The following CIB4 variants were observed in gnomAD, a reference collection of about 807,000 sequenced individuals.
CIB4 encodes the protein calcium and integrin-binding family member 4.
A neutral mutation model predicts 25.8 loss-of-function variants in CIB4; 25 were observed. The ratio of observed to expected loss-of-function variants is 0.97; its 90% confidence interval spans 0.71 to 1.35. The LOEUF (loss-of-function observed/expected upper bound fraction) is 1.35, where lower values mean the gene tolerates loss of function less well. Among genes scored for constraint, CIB4 ranks in the 40% most tolerant of loss-of-function variants. The pLI, the probability that CIB4 is intolerant of heterozygous loss-of-function variation, is 0.00. For missense variants in CIB4, 235 were observed against 228.2 expected (o/e 1.03, Z -0.19); for synonymous variants, 75 against 81.4 (o/e 0.92, Z 0.42).
At chr2:26,589,611 T>G (rs1349649353) in intron 4 of CIB4, among the ~76,000 whole-genome samples, 1 of 152,196 alleles carries the variant, frequency 6.6e-6, no homozygotes, top group Non-Finnish European at 1.5e-5. Flanking sequence ...TGTGAGCCAC[T>G]GCACCCAGCC....
At chr2:26,602,557 T>A (rs1668812676) in intron 3 of CIB4, among the ~76,000 whole-genome samples, 1 of 152,198 alleles carries the variant, frequency 6.6e-6, no homozygotes, top group African/African-American at 2.4e-5. Flanking sequence ...AATGGGTATT[T>A]TACTACATGT....
intron 3 of CIB4, 36 bp downstream of exon 3, chr2:26,629,374 A>T: frequency 1.6e-6 from 2 of 1,287,636 alleles, no homozygotes; most frequent in Non-Finnish European, 2.2e-6. Context: ...GGTCCCACTG[A>T]TGCTGCCCTT....
chr2:26,614,211 A>T (rs1269047801), intron 3 of CIB4, among the ~76,000 whole-genome samples: 1 of 152,196 alleles, frequency 6.6e-6, no homozygotes, highest in Non-Finnish European at 1.5e-5. Flanking sequence ...CAGAAAAGAC[A>T]TGAGTGGAAT....
chr2:26,630,275 T>C (rs1351886903), intron 2 of CIB4, among the ~76,000 whole-genome samples: 1 of 152,110 alleles, frequency 6.6e-6, no homozygotes, highest in Non-Finnish European at 1.5e-5. Flanking sequence ...ATCCTGAACC[T>C]GGGTCCCTGT....
At chr2:26,626,500 A>G (rs987426540) in intron 3 of CIB4, among the ~76,000 whole-genome samples, 3 of 151,956 alleles carry the variant, frequency 2.0e-5, no homozygotes, top group Non-Finnish European at 4.4e-5. Context: ...TGTGGCAGTC[A>G]TCCCTTGAGG....
At chr2:26,640,016 G>A (rs72858002) in intron 2 of CIB4, among the ~76,000 whole-genome samples, 2,987 of 150,950 alleles carry the variant, frequency 0.02, 107 homozygotes, top group African/African-American at 0.069. Context: ...ACAGCGGTCC[G>A]CATGACAACA....
intron 2 of CIB4, among the ~76,000 whole-genome samples, chr2:26,639,324 C>A (rs1414210377): frequency 6.6e-6 from 1 of 151,762 alleles, no homozygotes; most frequent in Non-Finnish European, 1.5e-5. Context: ...TTAGATATTT[C>A]TCTTCATGCT....
chr2:26,618,433 A>G (rs1621679), intron 3 of CIB4, among the ~76,000 whole-genome samples: 69,672 of 151,994 alleles, frequency 0.46, 17,143 homozygotes, highest in Non-Finnish European at 0.55. Flanking sequence ...CTACAGGTGC[A>G]CACCACCATG....
chr2:26,629,548 G>T, intron 2 of CIB4, 42 bp from the exon 3 acceptor site: 1 of 1,358,342 alleles, frequency 7.4e-7, no homozygotes, highest in Non-Finnish European at 1.0e-6. Flanking sequence ...GGGGAAAGGA[G>T]GCCAGCACTG....
chr2:26,639,140 G>A (rs910276893), intron 2 of CIB4, among the ~76,000 whole-genome samples: 3 of 152,036 alleles, frequency 2.0e-5, no homozygotes, highest in Non-Finnish European at 2.9e-5. Context: ...GGACTGGGAG[G>A]AGAGAATGGA....
chr2:26,629,741 T>C (rs1456416856), intron 2 of CIB4, among the ~76,000 whole-genome samples: 2 of 152,290 alleles, frequency 1.3e-5, no homozygotes, highest in Middle Eastern at 3.4e-3. Context: ...AGGCACACCA[T>C]AGAGGATGCA....
chr2:26,618,681 G>A (rs1203351436), intron 3 of CIB4, among the ~76,000 whole-genome samples: 10 of 152,320 alleles, frequency 6.6e-5, no homozygotes, highest in Admixed American at 6.5e-4. Context: ...AGTCGGACCG[G>A]GTGCTGGGGA....
chr2:26,639,293 C>A (rs1669591900), intron 2 of CIB4, among the ~76,000 whole-genome samples: 1 of 151,790 alleles, frequency 6.6e-6, no homozygotes, highest in African/African-American at 2.4e-5. Context: ...GTTTGCTGCA[C>A]CCATCAACCT....
At chr2:26,604,561 T>C (rs1339107671) in intron 3 of CIB4, among the ~76,000 whole-genome samples, 2 of 152,178 alleles carry the variant, frequency 1.3e-5, no homozygotes, top group Non-Finnish European at 2.9e-5. Context: ...TCTACTCTTC[T>C]ATACCCAGCA....
chr2:26,631,288 A>G (rs532254792), intron 2 of CIB4, among the ~76,000 whole-genome samples: 53 of 152,114 alleles, frequency 3.5e-4, no homozygotes, highest in Non-Finnish European at 7.1e-4. Flanking sequence ...CACCCTAGGC[A>G]ATACAGGGAG....
intron 3 of CIB4, among the ~76,000 whole-genome samples, chr2:26,609,673 A>C (rs1291828926): frequency 6.6e-6 from 1 of 152,084 alleles, no homozygotes; most frequent in Admixed American, 6.5e-5. Flanking sequence ...CAGCCATTTC[A>C]ACTCCATTTT....
chr2:26,626,784 C>T (rs973509319), intron 3 of CIB4, among the ~76,000 whole-genome samples: 23 of 152,232 alleles, frequency 1.5e-4, no homozygotes, highest in Non-Finnish European at 2.6e-4. Flanking sequence ...AAGAGCAGGC[C>T]TCACCCCACC....
chr2:26,589,804 G>A (rs1245883006), intron 4 of CIB4, among the ~76,000 whole-genome samples: 2 of 152,152 alleles, frequency 1.3e-5, no homozygotes, highest in Non-Finnish European at 2.9e-5. Context: ...AAAAATGCCG[G>A]GTGGGGCTTC....
chr2:26,619,201 A>G (rs1340645348), intron 3 of CIB4, among the ~76,000 whole-genome samples: 2 of 152,184 alleles, frequency 1.3e-5, no homozygotes, highest in Non-Finnish European at 2.9e-5. Flanking sequence ...GGATGAAATC[A>G]AAGGAAAGAG....
Sources: allele counts gnomAD v4.1 joint callset (sites outside exome capture counted in the v4.1 genomes callset), GRCh38; gene constraint gnomAD v4.1.1; transcripts MANE v1.5; gene names NCBI Gene and HGNC (gene_info 2026-07-23, HGNC 2026-07-21).